ELMO1: variants seen among roughly 807,000 people sequenced by gnomAD.
ELMO1 encodes engulfment and cell motility protein 1.
In ELMO1, 26 loss-of-function variants were observed where a neutral mutation model predicts 98.9. The observed-to-expected ratio is 0.26, with a 90% CI of 0.19 to 0.36. ELMO1 has a LOEUF of 0.36. Among genes scored for constraint, ELMO1 ranks in the 10% least tolerant of loss-of-function variants. The pLI is 1.00. For missense variants in ELMO1, 627 were observed against 935.2 expected (o/e 0.67, Z 4.30); for synonymous variants, 346 against 346.0 (o/e 1.00, Z 0.00).
chr7:36,968,400 GGCAAAGTAT>G (rs1789624816), intron 16 of ELMO1, among the ~76,000 whole-genome samples: 1 of 152,010 alleles, frequency 6.6e-6, no homozygotes, highest in Non-Finnish European at 1.5e-5. Flanking sequence ...TACTTCAACT[GGCAAAGTAT>G]GACACTTTGC....
chr7:36,904,099 A>T (rs1363144169), intron 16 of ELMO1, among the ~76,000 whole-genome samples: 1 of 152,192 alleles, frequency 6.6e-6, no homozygotes, highest in Non-Finnish European at 1.5e-5. Context: ...CTTCCAAAGT[A>T]GCCCATACCT....
intron 1 of ELMO1, among the ~76,000 whole-genome samples, chr7:37,402,407 G>C (rs1803574628): frequency 6.6e-6 from 1 of 152,122 alleles, no homozygotes; most frequent in Non-Finnish European, 1.5e-5. Flanking sequence ...TTTTTCGTGG[G>C]GTAAAGGGGT....
intron 13 of ELMO1, among the ~76,000 whole-genome samples, chr7:37,182,616 C>G (rs981665962): frequency 6.6e-6 from 1 of 151,536 alleles, no homozygotes; most frequent in Non-Finnish European, 1.5e-5. Context: ...CCTTGACAAG[C>G]GCTTTTTCAT....
intron 15 of ELMO1, among the ~76,000 whole-genome samples, chr7:37,025,087 T>C (rs930929226): frequency 6.6e-6 from 1 of 152,210 alleles, no homozygotes; most frequent in Non-Finnish European, 1.5e-5. Context: ...TGTCCTCCAG[T>C]TGAAAACAAT....
At chr7:37,311,648 T>C (rs914144372) in intron 4 of ELMO1, among the ~76,000 whole-genome samples, 7 of 152,182 alleles carry the variant, frequency 4.6e-5, no homozygotes, top group Non-Finnish European at 1.0e-4. Context: ...GTCACCGTCA[T>C]CTCCTGCTCT....
At chr7:37,414,959 T>C (rs747445924) in intron 1 of ELMO1, among the ~76,000 whole-genome samples, 1 of 152,212 alleles carries the variant, frequency 6.6e-6, no homozygotes, top group Non-Finnish European at 1.5e-5. Flanking sequence ...TTGAGAAATA[T>C]CTAAAGCCAA....
chr7:36,864,817 G>T (rs1407240519), intron 20 of ELMO1, among the ~76,000 whole-genome samples: 1 of 152,204 alleles, frequency 6.6e-6, no homozygotes, highest in Non-Finnish European at 1.5e-5. Context: ...TCTGGATTTA[G>T]TGCAGTGAAA....
chr7:37,236,307 G>A (rs1794456624), intron 7 of ELMO1, among the ~76,000 whole-genome samples: 1 of 152,172 alleles, frequency 6.6e-6, no homozygotes, highest in East Asian at 1.9e-4. Context: ...TGGGAGTCAA[G>A]ATTTCAATCT....
chr7:37,307,109 T>C (rs907110499), intron 4 of ELMO1, among the ~76,000 whole-genome samples: 1 of 152,218 alleles, frequency 6.6e-6, no homozygotes, highest in Non-Finnish European at 1.5e-5. Flanking sequence ...GCAAATCCAT[T>C]TCTCCTTCTT....
chr7:36,943,949 A>T (rs1787263454), intron 16 of ELMO1, among the ~76,000 whole-genome samples: 1 of 152,178 alleles, frequency 6.6e-6, no homozygotes, highest in African/African-American at 2.4e-5. Flanking sequence ...CTGGTTTCAC[A>T]TTTAAAAAAT....
At chr7:37,007,626 T>C (rs1039534127) in intron 16 of ELMO1, among the ~76,000 whole-genome samples, 4 of 152,222 alleles carry the variant, frequency 2.6e-5, no homozygotes, top group African/African-American at 7.2e-5. Context: ...AATTGTCCCC[T>C]GAAAAGCATG....
At chr7:37,407,281 G>A (rs575291880) in intron 1 of ELMO1, among the ~76,000 whole-genome samples, 4 of 152,166 alleles carry the variant, frequency 2.6e-5, no homozygotes, top group African/African-American at 9.6e-5. Context: ...AGGCCGAGGT[G>A]GGCAGATCAC....
At chr7:36,986,762 A>G (rs1398306596) in intron 16 of ELMO1, among the ~76,000 whole-genome samples, 1 of 152,162 alleles carries the variant, frequency 6.6e-6, no homozygotes, top group Non-Finnish European at 1.5e-5. Context: ...ATACCTTGCC[A>G]TGTACACACA....
intron 16 of ELMO1, among the ~76,000 whole-genome samples, chr7:36,974,134 G>C (rs1034406654): frequency 6.6e-6 from 1 of 152,232 alleles, no homozygotes; most frequent in Non-Finnish European, 1.5e-5. Flanking sequence ...GGCGCACAGC[G>C]CAGGACTGGC....
At chr7:37,367,217 C>A (rs1801941141) in intron 1 of ELMO1, among the ~76,000 whole-genome samples, 2 of 152,226 alleles carry the variant, frequency 1.3e-5, no homozygotes, top group East Asian at 1.9e-4. Context: ...TCAGGGAAGC[C>A]TTTCCTAGGT....
intron 13 of ELMO1, among the ~76,000 whole-genome samples, chr7:37,182,666 T>C (rs1401256825): frequency 2.0e-5 from 3 of 151,654 alleles, no homozygotes; most frequent in Non-Finnish European, 2.9e-5. Flanking sequence ...CTTAGAGAGG[T>C]GCAGTATGGT....
At chr7:37,151,532 C>T (rs988713616) in intron 13 of ELMO1, among the ~76,000 whole-genome samples, 12 of 152,086 alleles carry the variant, frequency 7.9e-5, no homozygotes, top group Non-Finnish European at 1.5e-5. Context: ...TGGGTTGAAC[C>T]ACTTAAGTGA....
intron 15 of ELMO1, among the ~76,000 whole-genome samples, chr7:37,068,426 G>C (rs1797097881): frequency 6.6e-6 from 1 of 152,150 alleles, no homozygotes. Context: ...AGTGGCCAAT[G>C]TATATGACAC....
At chr7:37,391,227 C>T (rs1803064747) in intron 1 of ELMO1, among the ~76,000 whole-genome samples, 1 of 152,180 alleles carries the variant, frequency 6.6e-6, no homozygotes, top group Non-Finnish European at 1.5e-5. Context: ...AATGATTCTC[C>T]TGCCTCAGCC....
Sources: allele counts gnomAD v4.1 joint callset (sites outside exome capture counted in the v4.1 genomes callset), GRCh38; gene constraint gnomAD v4.1.1; transcripts MANE v1.5; gene names NCBI Gene and HGNC (gene_info 2026-07-23, HGNC 2026-07-21).